PTPRD: variants seen among roughly 807,000 people sequenced by gnomAD.
The protein encoded by PTPRD is protein tyrosine phosphatase receptor type D.
Under a neutral mutation model 214.5 loss-of-function variants are expected in PTPRD, and 34 were observed. That is an observed-to-expected ratio of 0.16 (90% CI 0.12 to 0.21). The LOEUF (loss-of-function observed/expected upper bound fraction) is 0.21, where lower values mean the gene tolerates loss of function less well. Among genes scored for constraint, PTPRD ranks in the 10% least tolerant of loss-of-function variants. PTPRD has a pLI of 1.00. For missense variants in PTPRD, 2,545 were observed against 2,398.7 expected, an observed-to-expected ratio of 1.06 and a Z score of -1.27; for synonymous variants, 1,128 against 845.7, an observed-to-expected ratio of 1.33 and a Z score of -5.79.
At chr9:9,559,895 G>C (rs1466711651) in intron 8 of PTPRD, among the ~76,000 whole-genome samples, 5 of 152,218 alleles carry the variant, frequency 3.3e-5, no homozygotes, top group Non-Finnish European at 7.3e-5. Flanking sequence ...TGCAGACAGA[G>C]GTTTCACTTC....
intron 5 of PTPRD, among the ~76,000 whole-genome samples, chr9:9,923,793 G>C (rs1436691431): frequency 1.3e-5 from 2 of 151,860 alleles, no homozygotes; most frequent in Non-Finnish European, 2.9e-5. Context: ...GTATTTTTTA[G>C]AAAGATACTA....
At chr9:9,945,967 A>G (rs967662841) in intron 4 of PTPRD, among the ~76,000 whole-genome samples, 4 of 151,962 alleles carry the variant, frequency 2.6e-5, no homozygotes, top group African/African-American at 9.7e-5. Context: ...GATACAAATT[A>G]AATGATATAA....
At chr9:9,931,100 T>C (rs977950891) in intron 5 of PTPRD, among the ~76,000 whole-genome samples, 1 of 152,198 alleles carries the variant, frequency 6.6e-6, no homozygotes, top group African/African-American at 2.4e-5. Flanking sequence ...TTCTATCCTA[T>C]TTTTATGAAA....
chr9:10,551,589 A>T (rs1228054671), intron 2 of PTPRD, among the ~76,000 whole-genome samples: 2 of 152,126 alleles, frequency 1.3e-5, no homozygotes, highest in Non-Finnish European at 2.9e-5. Flanking sequence ...CACATGCATT[A>T]AGTCTATATC....
chr9:8,745,985 G>T (rs1413408180), intron 11 of PTPRD, among the ~76,000 whole-genome samples: 5 of 152,168 alleles, frequency 3.3e-5, no homozygotes, highest in African/African-American at 1.2e-4. Flanking sequence ...TTGGGAAGGG[G>T]TCTTGCTATG....
At chr9:8,760,105 G>A (rs983870717) in intron 11 of PTPRD, among the ~76,000 whole-genome samples, 3 of 152,150 alleles carry the variant, frequency 2.0e-5, no homozygotes, top group Admixed American at 6.5e-5. Context: ...TAATTCTTGT[G>A]TTTTTGGTAG....
intron 7 of PTPRD, among the ~76,000 whole-genome samples, chr9:9,632,691 T>C (rs1205115666): frequency 6.6e-6 from 1 of 151,966 alleles, no homozygotes; most frequent in Non-Finnish European, 1.5e-5. Flanking sequence ...ATGTAGAACA[T>C]AAACCCTGAC....
At chr9:10,128,483 T>G (rs1239995176) in intron 3 of PTPRD, among the ~76,000 whole-genome samples, 1 of 152,120 alleles carries the variant, frequency 6.6e-6, no homozygotes, top group Non-Finnish European at 1.5e-5. Context: ...AAGCTATGAC[T>G]GAGGCATGAA....
chr9:9,750,873 T>G (rs969894542), intron 6 of PTPRD, among the ~76,000 whole-genome samples: 3 of 152,138 alleles, frequency 2.0e-5, no homozygotes, highest in African/African-American at 7.2e-5. Flanking sequence ...CTATTCCATT[T>G]CTGTGTAGGA....
intron 14 of PTPRD, among the ~76,000 whole-genome samples, chr9:8,551,008 G>C (rs750515966): frequency 1.2e-4 from 18 of 152,226 alleles, no homozygotes; most frequent in Non-Finnish European, 2.5e-4. Flanking sequence ...TGGTTGAATA[G>C]ATTTCACTCC....
At chr9:8,821,866 T>C (rs540850490) in intron 11 of PTPRD, among the ~76,000 whole-genome samples, 183 of 152,304 alleles carry the variant, frequency 1.2e-3, no homozygotes, top group Non-Finnish European at 1.8e-3. Flanking sequence ...GGTTTCACCA[T>C]CTTGGCCAGG....
chr9:10,113,547 T>C (rs569765256), intron 3 of PTPRD, among the ~76,000 whole-genome samples: 29 of 152,288 alleles, frequency 1.9e-4, no homozygotes, highest in Admixed American at 1.5e-3. Context: ...CCAATGATAA[T>C]GATCACCTAG....
intron 10 of PTPRD, among the ~76,000 whole-genome samples, chr9:9,096,316 A>G (rs77216895): frequency 1.7e-3 from 264 of 152,320 alleles, no homozygotes; most frequent in African/African-American, 6.0e-3. Flanking sequence ...AGTATCCCAT[A>G]ACATCATGTT....
chr9:10,222,973 T>C (rs568830433), intron 3 of PTPRD, among the ~76,000 whole-genome samples: 46 of 152,130 alleles, frequency 3.0e-4, no homozygotes, highest in African/African-American at 9.6e-4. Flanking sequence ...TGAGGTTCTA[T>C]ACCAAGCCAG....
At chr9:10,337,573 T>C (rs892037754) in intron 3 of PTPRD, among the ~76,000 whole-genome samples, 1 of 151,716 alleles carries the variant, frequency 6.6e-6, no homozygotes, top group African/African-American at 2.4e-5. Flanking sequence ...ACTCATGCAT[T>C]TTTTTCCTTT....
chr9:9,037,261 C>T (rs1056667615), intron 10 of PTPRD, among the ~76,000 whole-genome samples: 1 of 152,034 alleles, frequency 6.6e-6, no homozygotes, highest in African/African-American at 2.4e-5. Context: ...GAAACTGAAG[C>T]TCAGGGAGGT....
At chr9:9,607,161 C>A (rs1036001271) in intron 7 of PTPRD, among the ~76,000 whole-genome samples, 2 of 151,838 alleles carry the variant, frequency 1.3e-5, no homozygotes, top group African/African-American at 4.8e-5. Flanking sequence ...TCAAAGCCCT[C>A]TGAGGGTGAG....
intron 12 of PTPRD, among the ~76,000 whole-genome samples, chr9:8,701,114 T>A (rs1287956739): frequency 1.3e-5 from 2 of 151,734 alleles, no homozygotes; most frequent in Admixed American, 1.3e-4. Flanking sequence ...TGAGCCAAGA[T>A]CATGCCACTG....
At chr9:10,310,978 G>A (rs1357697552) in intron 3 of PTPRD, among the ~76,000 whole-genome samples, 5 of 152,048 alleles carry the variant, frequency 3.3e-5, no homozygotes, top group South Asian at 2.1e-4. Flanking sequence ...AGCATGTGTG[G>A]TAAATGGGAA....
Sources: allele counts gnomAD v4.1 joint callset (sites outside exome capture counted in the v4.1 genomes callset), GRCh38; gene constraint gnomAD v4.1.1; transcripts MANE v1.5; gene names NCBI Gene and HGNC (gene_info 2026-07-23, HGNC 2026-07-21).